Variants in LAMA5 observed in about 807,000 individuals in gnomAD.
LAMA5 encodes the protein laminin subunit alpha-5.
In LAMA5, 260 loss-of-function variants were observed where a neutral mutation model predicts 433.4. That is an observed-to-expected ratio of 0.60 (90% CI 0.54 to 0.66). LAMA5 has a LOEUF of 0.66. Ranked by LOEUF, LAMA5 falls within the 30% of genes least tolerant of loss-of-function variation. LAMA5 has a pLI of 0.00. For missense variants in LAMA5, 5,378 were observed against 5,258.5 expected, an observed-to-expected ratio of 1.02 and a Z score of -0.70; for synonymous variants, 2,620 against 2,226.6, an observed-to-expected ratio of 1.18 and a Z score of -4.97.
At position 62,316,947 on chromosome 20, in the gene LAMA5, G is replaced by T. The variant is rs144576732; in HGVS notation, c.7588C>A (p.Gln2530Lys). ...GCATCCTCGGCAGCCTGCACGGCCT[G>T]CAGGATGCGGCTGTAGGCGTTGGAG... is the stretch of plus-strand genomic sequence containing the variant. The part of the protein sequence containing the change: ...EASNAYSRIL[Q>K]AVQAAEDAAG... The change falls in exon 56 of 80, where the codon CAG becomes AAG. Residue 2530 changes from glutamine to lysine, a missense_variant. Physicochemically the swap from Gln to Lys is moderately conservative, Grantham distance 53 (BLOSUM62 1). Transcript: ENST00000252999. 4.5e-5 allele frequency: 71 copies of T among 1,567,720 alleles called. No homozygotes were observed. The highest frequency in any genetic ancestry group is 5.1e-5 in the Non-Finnish European group (59 of 1,152,984).
In LAMA5 at chr20:62,317,369, C is replaced by T; in HGVS notation, c.7487G>A (p.Gly2496Asp). The T allele has an allele frequency of 1.9e-6, 3 of 1,608,884 alleles. No individual in the cohort carries two copies. The highest frequency in any genetic ancestry group is 2.2e-5 in the East Asian group (1 of 44,814). Residue 2496 changes from glycine (G) to aspartate (D), a missense_variant, in exon 55 of 80, where the codon GGC becomes GAC. Physicochemically the swap from Gly to Asp is moderately conservative, Grantham distance 94. Coordinates refer to ENST00000252999, the MANE Select transcript of LAMA5 (RefSeq NM_005560.6). Reference protein sequence around the residue: ...EAAEAHAQQLGQLALNLSSII... With the variant: ...EAAEAHAQQLDQLALNLSSII... ...CCTGGACAGATTGAGTGCCAGCTGGCCCAGCTGCTGTGCGTGGGCCTCGGC... is the reference window on the plus strand; with the variant it reads ...CCTGGACAGATTGAGTGCCAGCTGGTCCAGCTGCTGTGCGTGGGCCTCGGC...
chr20:62,345,678 A>G lies in LAMA5; in HGVS notation c.1477+140T>C, dbSNP rs1983249001. On this transcript the variant is annotated intron_variant, in intron 11 of 79. Coordinates refer to ENST00000252999, the MANE Select transcript of LAMA5 (RefSeq NM_005560.6). ...TTTCCGAAGGTTTTCCAGTGTGAAT[A>G]GGCATAATTTGCATAAAAAGAAATA... 4 of 663,108 alleles carry G rather than the reference A, an allele frequency of 6.0e-6. No individual in the cohort carries two copies. The Admixed American group carries it at 1.1e-4, about 18-fold the overall frequency. 41.1% of individuals were successfully genotyped at this position (663,108 alleles called of 1,614,324 possible).
At position 62,322,404 on chromosome 20, in the gene LAMA5, C is replaced by A; in HGVS notation, c.6211G>T (p.Ala2071Ser). Residue 2071 changes from alanine to serine, a missense_variant, in exon 47 of 80, where the codon GCT becomes TCT. Transcript: ENST00000252999. ...FDGCGGCRPC[A>S]CGPAAEGSEC... is the part of the protein sequence containing the mutation. Reference sequence around the variant, plus strand: ...GAGCCCTCGGCGGCCGGTCCACAAGCACACGGGCGGCAGCCCCCGCAGCCA... The same window carrying A: ...GAGCCCTCGGCGGCCGGTCCACAAGAACACGGGCGGCAGCCCCCGCAGCCA... 1 of 1,593,974 alleles carries A rather than the reference C, an allele frequency of 6.3e-7. No homozygotes were observed. Among genetic ancestry groups the A allele is most frequent in the Non-Finnish European group, 8.5e-7 (1 of 1,171,392 alleles).
Position 62,340,309 on chromosome 20 carries a change from T to TTG in LAMA5, c.1478-1702_1478-1701insCA, listed in dbSNP as rs1555881513. ...CATAATGAACAAGCCTCCTTTGTTT[T>TTG]TTTTTTTTTTTTTTTTTTTGAAATG... is the stretch of plus-strand genomic sequence containing the variant. On this transcript the variant is annotated intron_variant, in intron 11 of 79. Transcript: ENST00000252999. Among the ~76,000 whole-genome samples, 4 of 82,310 alleles carry TTG rather than the reference T, an allele frequency of 4.9e-5. 1 individual carries two copies. Among genetic ancestry groups the TTG allele is most frequent in the Non-Finnish European group, 8.1e-5 (3 of 37,256 alleles). The allele number at this position is 82,310 out of a possible 152,430, so 54.0% of individuals were successfully genotyped here. A position where few individuals can be genotyped will look rare whatever the true frequency, so the allele number is the denominator to read the frequency against.
chr20:62,324,443 C>A lies in LAMA5; in HGVS notation c.5641G>T (p.Val1881Leu). The A allele has an allele frequency of 6.2e-7, 1 of 1,610,506 alleles. No homozygotes were observed. The highest frequency in any genetic ancestry group is 8.5e-7 in the Non-Finnish European group (1 of 1,178,506). The change falls in exon 42 of 80, where the codon GTG becomes TTG. Residue 1881 changes from valine (V) to leucine (L), a missense_variant and splice_region_variant. Val to Leu is a conservative substitution (Grantham distance 32). Coordinates refer to ENST00000252999, the MANE Select transcript of LAMA5 (RefSeq NM_005560.6). The surrounding 1 kb of genome is among the most constrained non-coding windows in gnomAD (Gnocchi z 4.4). The part of the protein sequence containing the change: ...DRCLPGSGVC[V>L]DCQHNTEGAH... ...TGGCCCCACCAGCCCCTACTCACCA[C>A]ACAGACGCCAGAGCCAGGGAGGCAG...
At chr20:62,356,651 G>C (rs13043931) in intron 2 of LAMA5, among the ~76,000 whole-genome samples, 6,812 of 151,998 alleles carry the variant, frequency 0.045, 203 homozygotes, top group African/African-American at 0.081. Context: ...TGCCTCACAG[G>C]GGGTGGGCAA....
In LAMA5 at chr20:62,318,436, C is replaced by T. The variant is rs1987289623; in HGVS notation, c.7239+18G>A. ...GCGGGAAGAGGAGCAGGAGGAAGAA[C>T]AAGTCCGGGGTCCTCACCAGGGCTT... On this transcript the variant is annotated intron_variant, in intron 53 of 79. Transcript: ENST00000252999. 6.4e-7 allele frequency: 1 copy of T among 1,562,270 alleles called. No individual in the cohort carries two copies.
In LAMA5 at chr20:62,346,178, G is replaced by C; in HGVS notation, c.1320C>G (p.Cys440Trp). 1 of 1,612,676 alleles carries C rather than the reference G, an allele frequency of 6.2e-7. No individual in the cohort carries two copies. Among genetic ancestry groups the C allele is most frequent in the Non-Finnish European group, 8.5e-7 (1 of 1,179,846 alleles). Residue 440 changes from cysteine (C) to tryptophan (W), a missense_variant, in exon 10 of 80, where the codon TGC (cysteine) becomes TGG (tryptophan). Cys to Trp is a radical substitution (Grantham distance 215). Coordinates refer to ENST00000252999, the MANE Select transcript of LAMA5 (RefSeq NM_005560.6). ...NCESDFTDGT[C>W]EDLTGRCYCR... ...AGTAGCATCGACCCGTCAGGTCCTC[G>C]CAGGTGCCATCCGTGAAGTCGGACT...
chr20:62,325,182 AAGC>A, intron 41 of LAMA5, 131 bp downstream of exon 41: 1 of 657,650 alleles, frequency 1.5e-6, no homozygotes, highest in Non-Finnish European at 2.5e-6. Flanking sequence ...AGCCTGTGAA[AAGC>A]AGGGGCAGGA....
Position 62,313,359 on chromosome 20 carries a change from C to G in LAMA5, c.8760G>C (p.Gln2920His). The change falls in exon 64 of 80, where the codon CAG becomes CAC. Residue 2920 changes from glutamine (Q) to histidine (H), a missense_variant. Coordinates refer to ENST00000252999, the MANE Select transcript of LAMA5 (RefSeq NM_005560.6). The part of the protein sequence containing the change: ...VSLYNFERTF[Q>H]LDTAVDRPCA... ...AAGGCCTGTCCACAGCCGTGTCCAGCTGGAAGGTCCTCTCGAAGTTGTAGA... is the reference window on the plus strand; with the variant it reads ...AAGGCCTGTCCACAGCCGTGTCCAGGTGGAAGGTCCTCTCGAAGTTGTAGA... 1 of 1,580,162 alleles carries G rather than the reference C, an allele frequency of 6.3e-7. No homozygotes were observed. The highest frequency in any genetic ancestry group is 8.6e-7 in the Non-Finnish European group (1 of 1,163,692).
At chr20:62,321,314 T>G (rs1158502786) in intron 48 of LAMA5, among the ~76,000 whole-genome samples, 7 of 32,156 alleles carry the variant, frequency 2.2e-4, no homozygotes, top group Non-Finnish European at 2.2e-4. Context: ...CCAGTGAAGG[T>G]GTGGGGCCAG....
At position 62,322,666 on chromosome 20, in the gene LAMA5, G is replaced by C. The variant is rs201815547; in HGVS notation, c.6157C>G (p.Arg2053Gly). The C allele has an allele frequency of 1.3e-6, 2 of 1,512,560 alleles. No individual in the cohort carries two copies. Among genetic ancestry groups the C allele is most frequent in the South Asian group, 2.4e-5 (2 of 83,268 alleles). The allele number at this position is 1,512,560 out of a possible 1,614,324, so 93.7% of individuals were successfully genotyped here. ...TTACCCCACAGCCCTACCTGGCAGC[G>C]GTCACAGCGCCGCCCAGTCACGCCC... ...KAGVTGRRCD[R>G]CQEGHFGFDG... The change falls in exon 46 of 80, where the codon CGC becomes GGC. Residue 2053 changes from arginine (R) to glycine (G), a missense_variant. By Grantham distance (125) the Arg-to-Gly change is moderately radical. Coordinates refer to ENST00000252999, the MANE Select transcript of LAMA5 (RefSeq NM_005560.6).
Position 62,325,533 on chromosome 20 carries a change from T to A in LAMA5, c.5312A>T (p.His1771Leu). ...GGACACAGTGTTGCGCGTCTCCGTATGCCGGAAGTTCCCCTGTGGGTCCAG... is the reference window on the plus strand; with the variant it reads ...GGACACAGTGTTGCGCGTCTCCGTAAGCCGGAAGTTCCCCTGTGGGTCCAG... ...QLQLVEGNFR[H>L]TETRNTVSRE... The change falls in exon 41 of 80, where the codon CAT becomes CTT. Residue 1771 changes from histidine to leucine, a missense_variant. Transcript: ENST00000252999. 1 of 1,607,514 alleles carries A rather than the reference T, an allele frequency of 6.2e-7. No individual in the cohort carries two copies. The highest frequency in any genetic ancestry group is 8.5e-7 in the Non-Finnish European group (1 of 1,176,470).
intron 1 of LAMA5, among the ~76,000 whole-genome samples, chr20:62,365,639 G>A (rs1189276191): frequency 1.3e-5 from 2 of 152,156 alleles, no homozygotes; most frequent in Non-Finnish European, 2.9e-5. Flanking sequence ...CAGGCCCTCC[G>A]TCCTGAGACC....
chr20:62,319,840 G>T (rs1187415957), intron 50 of LAMA5, 45 bp from the exon 51 acceptor site: 1 of 1,472,974 alleles, frequency 6.8e-7, no homozygotes, highest in East Asian at 2.5e-5. Flanking sequence ...GTAGGCGAGG[G>T]TCGGGGTGGC....
intron 2 of LAMA5, 196 bp from the exon 3 acceptor site, chr20:62,353,447 G>T: frequency 2.0e-6 from 1 of 507,768 alleles, no homozygotes; most frequent in East Asian, 3.5e-5. Context: ...ATGGAGATGA[G>T]CCCCCGGGAA....
chr20:62,334,683 C>T (rs961608747), intron 20 of LAMA5, 62 bp from the exon 21 acceptor site: 5 of 1,358,578 alleles, frequency 3.7e-6, no homozygotes, highest in Non-Finnish European at 5.0e-6. Context: ...AGGGGCCCCT[C>T]ACAGCCAGAC....
At chr20:62,358,811 T>C (rs1985619717) in intron 2 of LAMA5, among the ~76,000 whole-genome samples, 1 of 152,108 alleles carries the variant, frequency 6.6e-6, no homozygotes, top group African/African-American at 2.4e-5. Context: ...CACACTCCAG[T>C]GGCCAATGAC....
In LAMA5 at chr20:62,311,691, C is replaced by A. The variant is rs373377022; in HGVS notation, c.9729G>T (p.Arg3243Ser). 6.3e-6 allele frequency: 10 copies of A among 1,580,170 alleles called. 1 individual carries two copies. The African/African-American group carries it at 8.1e-5, about 13-fold the overall frequency. The stretch of plus-strand genomic sequence containing the variant: ...ACTCAGGCAGGCCTCCCAGGAGGAG[C>A]CTCGGGGGCCCCTCAGGCTGCGGCT... ...ELQPQPEGPP[R>S]LLLGGLPESG... Residue 3243 changes from arginine (R) to serine (S), a missense_variant, in exon 71 of 80, where the codon AGG becomes AGT. Arg to Ser is a moderately radical substitution (Grantham distance 110). Transcript: ENST00000252999.
Sources: gnomAD v4.1 joint callset for allele counts (sites outside exome capture counted in the v4.1 genomes callset) on GRCh38, gnomAD v4.1.1 for gene constraint, Gnocchi (gnomAD v3.1) non-coding constraint, MANE v1.5 for transcripts, NCBI Gene and HGNC (gene_info 2026-07-23, HGNC 2026-07-21) for gene names.